SNX32: variants seen among roughly 807,000 people sequenced by gnomAD.
The protein encoded by SNX32 is sorting nexin 32, also known as sorting nexin-32.
Under a neutral mutation model 57.0 loss-of-function variants are expected in SNX32, and 58 were observed. The observed-to-expected ratio is 1.02, with a 90% CI of 0.82 to 1.27. The LOEUF (loss-of-function observed/expected upper bound fraction) is 1.27. Ranked by LOEUF, SNX32 falls within the 50% of genes most tolerant of loss-of-function variation. SNX32 has a pLI of 0.00. For synonymous variants in SNX32, 262 were observed against 220.4 expected, an observed-to-expected ratio of 1.19 and a Z score of -1.67; for missense variants, 589 against 541.2, an observed-to-expected ratio of 1.09 and a Z score of -0.88.
chr11:65,853,657 C>T lies in SNX32; in HGVS notation c.*322C>T. On this transcript the variant is annotated 3_prime_UTR_variant, in exon 13 of 13. Transcript: ENST00000308342. ...TGAAGGAATCATAGCTCACTTGATC[C>T]CGGCCTGTTCTCCTTCGCAAATAAA... 2.4e-6 allele frequency: 1 copy of T among 410,916 alleles called. No homozygotes were observed. Among genetic ancestry groups the T allele is most frequent in the South Asian group, 3.2e-5 (1 of 31,156 alleles). 25.5% of individuals were successfully genotyped at this position (410,916 alleles called of 1,614,324 possible).
chr11:65,835,079 CTG>C (rs150020906), intron 1 of SNX32, among the ~76,000 whole-genome samples: 99 of 146,538 alleles, frequency 6.8e-4, no homozygotes, highest in Non-Finnish European at 1.3e-3. Context: ...GTGCGTGTGT[CTG>C]TGTTTGTCTC....
chr11:65,851,175 A>G lies in SNX32; in HGVS notation c.709+15A>G. ...CGCCCACAAGTGTACGCAGGGCCCA[A>G]GGGGTCCTGGATCCCCCTGCCCCTC... On this transcript the variant is annotated intron_variant, in intron 7 of 12. Coordinates refer to ENST00000308342, the MANE Select transcript of SNX32 (RefSeq NM_152760.3). 4 of 1,608,534 alleles carry G rather than the reference A, an allele frequency of 2.5e-6. No homozygotes were observed. In the South Asian group the frequency reaches 3.3e-5, roughly 13 times the overall value.
At position 65,851,500 on chromosome 11, in the gene SNX32, T is replaced by A. The variant is rs1859195289; in HGVS notation, c.785+97T>A. On this transcript the variant is annotated intron_variant, in intron 8 of 12. Coordinates refer to ENST00000308342, the MANE Select transcript of SNX32 (RefSeq NM_152760.3). ...GTAGATGTCTACTGTCAGCTCTAGG[T>A]GGGAGGTGTAGGCTCTCCTGTTGGG... 1.3e-5 allele frequency: 20 copies of A among 1,522,520 alleles called. No homozygotes were observed. The South Asian group carries it at 2.3e-4, about 17-fold the overall frequency. 94.3% of individuals were successfully genotyped at this position (1,522,520 alleles called of 1,614,324 possible). A position where few individuals can be genotyped will look rare whatever the true frequency, so the allele number is the denominator to read the frequency against.
intron 1 of SNX32, among the ~76,000 whole-genome samples, chr11:65,847,691 C>G (rs75374202): frequency 6.6e-6 from 1 of 152,132 alleles, no homozygotes. Flanking sequence ...AGGCAGATCA[C>G]TTGAGCTCAC....
chr11:65,834,516 GTCTGTC>G (rs565758816), intron 1 of SNX32, among the ~76,000 whole-genome samples: 46 of 149,932 alleles, frequency 3.1e-4, no homozygotes, highest in Non-Finnish European at 3.7e-4. Context: ...GCATGTCTGT[GTCTGTC>G]TCTGTGTGTG....
chr11:65,837,828 A>T (rs1565245105), intron 1 of SNX32, among the ~76,000 whole-genome samples: 2 of 151,042 alleles, frequency 1.3e-5, no homozygotes, highest in African/African-American at 4.9e-5. Context: ...AAAAAAAAAA[A>T]AAAAAAAAAC....
chr11:65,842,263 CA>C (rs1204301181), intron 1 of SNX32, among the ~76,000 whole-genome samples: 5 of 152,260 alleles, frequency 3.3e-5, no homozygotes, highest in East Asian at 1.9e-4. Flanking sequence ...AATTCAATAG[CA>C]AAAGGAAAAT....
At chr11:65,853,014 C>G in intron 12 of SNX32, 56 bp downstream of exon 12, 1 of 1,574,404 alleles carries the variant, frequency 6.4e-7, no homozygotes, top group South Asian at 1.1e-5. Flanking sequence ...CCACCTCCCT[C>G]CCTCCCCCAG....
chr11:65,849,444 C>T (rs1032234233), intron 1 of SNX32, 34 bp from the exon 2 acceptor site: 2 of 1,552,652 alleles, frequency 1.3e-6, no homozygotes, highest in Non-Finnish European at 8.8e-7. Context: ...AGGGGCCATG[C>T]TCAGCCAGGC....
At position 65,851,129 on chromosome 11, in the gene SNX32, G is replaced by A; in HGVS notation, c.678G>A (p.Leu226=). ...EYHTRIRDAC[L]RADRVMRAHK... ...ACACCCGTATCCGAGATGCCTGCCT[G>A]CGGGCCGACCGCGTCATGCGCGCCC... The change falls in exon 7 of 13, where the codon CTG becomes CTA. Residue 226 remains leucine (L), a synonymous_variant. Coordinates refer to ENST00000308342, the MANE Select transcript of SNX32 (RefSeq NM_152760.3). 5.6e-6 allele frequency: 9 copies of A among 1,613,370 alleles called. No homozygotes were observed. The highest frequency in any genetic ancestry group is 7.6e-6 in the Non-Finnish European group (9 of 1,180,008).
chr11:65,836,026 A>G (rs1858660422), intron 1 of SNX32, among the ~76,000 whole-genome samples: 1 of 152,100 alleles, frequency 6.6e-6, no homozygotes, highest in African/African-American at 2.4e-5. Flanking sequence ...TAGCTATTAT[A>G]TTATTATTAT....
chr11:65,835,216 G>T (rs553054007), intron 1 of SNX32, among the ~76,000 whole-genome samples: 109 of 152,156 alleles, frequency 7.2e-4, no homozygotes, highest in African/African-American at 2.3e-3. Flanking sequence ...GCGGACTGAT[G>T]AGGATGCCAA....
intron 1 of SNX32, 123 bp from the exon 2 acceptor site, chr11:65,849,355 C>T: frequency 1.4e-6 from 1 of 721,844 alleles, no homozygotes; most frequent in South Asian, 1.7e-5. Context: ...TCTCTGGTGA[C>T]CTGGGGCATT....
chr11:65,850,732 C>A lies in SNX32; in HGVS notation c.499-19C>A, dbSNP rs187268620. The A allele has an allele frequency of 1.2e-6, 2 of 1,610,618 alleles. No homozygotes were observed. The highest frequency in any genetic ancestry group is 3.3e-5 in the Admixed American group (2 of 59,894). On this transcript the variant is annotated intron_variant, in intron 5 of 12. Transcript: ENST00000308342. ...TGAGAACGCCCACCCCAGCATCATACCCTCCCTGTGTGCCTCAGCTGAGTG... is the reference window on the plus strand; with the variant it reads ...TGAGAACGCCCACCCCAGCATCATAACCTCCCTGTGTGCCTCAGCTGAGTG...
intron 1 of SNX32, among the ~76,000 whole-genome samples, chr11:65,839,957 G>C (rs569617432): frequency 1.8e-4 from 28 of 151,924 alleles, no homozygotes; most frequent in African/African-American, 5.1e-4. Flanking sequence ...TCAGGAGTTC[G>C]AGACCAGCCT....
intron 1 of SNX32, among the ~76,000 whole-genome samples, chr11:65,846,328 T>TG (rs1208432168): frequency 2.0e-5 from 3 of 146,856 alleles, no homozygotes; most frequent in East Asian, 2.0e-4. Flanking sequence ...CCCAGCACTT[T>TG]GGAGGCCGAG....
At chr11:65,852,401 G>A in intron 9 of SNX32, 64 bp from the exon 10 acceptor site, 1 of 1,393,376 alleles carries the variant, frequency 7.2e-7, no homozygotes, top group Non-Finnish European at 1.0e-6. Context: ...ATGAAGAGGT[G>A]CCTCCCACCC....
intron 12 of SNX32, 151 bp from the exon 13 acceptor site, chr11:65,853,131 C>A: frequency 2.3e-6 from 3 of 1,306,872 alleles, no homozygotes; most frequent in Non-Finnish European, 3.3e-6. Context: ...TGGCTCAGGA[C>A]CCGTGCCTTC....
intron 1 of SNX32, among the ~76,000 whole-genome samples, chr11:65,838,419 C>A (rs1858731892): frequency 6.6e-6 from 1 of 151,986 alleles, no homozygotes; most frequent in African/African-American, 2.4e-5. Context: ...GAAATGGGGT[C>A]TTTTTATGTT....
Sources: allele counts gnomAD v4.1 joint callset (sites outside exome capture counted in the v4.1 genomes callset), GRCh38; gene constraint gnomAD v4.1.1; transcripts MANE v1.5; gene names NCBI Gene and HGNC (gene_info 2026-07-23, HGNC 2026-07-21).